HSD17B11: variants seen among roughly 807,000 people sequenced by gnomAD.
HSD17B11 encodes estradiol 17-beta-dehydrogenase 11.
Under a neutral mutation model 27.8 loss-of-function variants are expected in HSD17B11, and 22 were observed. The observed-to-expected ratio is 0.79, with a 90% CI of 0.56 to 1.13. The LOEUF is 1.13. HSD17B11 is among the 50% of genes most tolerant of loss of function. The pLI is 0.00. For synonymous variants in HSD17B11, 117 were observed against 132.8 expected, an observed-to-expected ratio of 0.88 and a Z score of 0.82; for missense variants, 314 against 351.1, an observed-to-expected ratio of 0.89 and a Z score of 0.84.
chr4:87,367,174 A>G (rs538951020), intron 4 of HSD17B11, among the ~76,000 whole-genome samples: 1 of 152,326 alleles, frequency 6.6e-6, no homozygotes. Context: ...ATGGGACACT[A>G]TTGGAGAAAT....
chr4:87,366,447 G>A (rs769310551), intron 4 of HSD17B11, among the ~76,000 whole-genome samples: 22 of 152,020 alleles, frequency 1.4e-4, no homozygotes, highest in East Asian at 9.6e-4. Context: ...GTGAAATTTC[G>A]CTTATTTGGT....
chr4:87,357,594 A>G (rs1735410902), intron 4 of HSD17B11, among the ~76,000 whole-genome samples, 178 bp from the exon 5 acceptor site: 2 of 152,252 alleles, frequency 1.3e-5, no homozygotes, highest in Admixed American at 1.3e-4. Flanking sequence ...CTGTAGGCAC[A>G]TTAAGGTCCA....
chr4:87,354,112 TGTTTGATA>T (rs984412497), intron 5 of HSD17B11, among the ~76,000 whole-genome samples: 4 of 152,176 alleles, frequency 2.6e-5, no homozygotes, highest in African/African-American at 9.6e-5. Context: ...TTTTAAAGAC[TGTTTGATA>T]GATTCTTGGG....
chr4:87,354,777 G>A (rs1029032121), intron 5 of HSD17B11, among the ~76,000 whole-genome samples: 1 of 151,760 alleles, frequency 6.6e-6, no homozygotes, highest in Non-Finnish European at 1.5e-5. Context: ...AGCTGAATTG[G>A]GGGAAATATG....
chr4:87,337,853 C>G (rs1290416378), intron 6 of HSD17B11, among the ~76,000 whole-genome samples: 1 of 152,196 alleles, frequency 6.6e-6, no homozygotes. Flanking sequence ...TTAAATTCCT[C>G]ACGTGTAAAT....
chr4:87,357,959 T>A (rs996091567), intron 4 of HSD17B11, among the ~76,000 whole-genome samples: 2 of 109,332 alleles, frequency 1.8e-5, no homozygotes, highest in Non-Finnish European at 3.5e-5. Context: ...ATTTTTTTTT[T>A]TTTTTTTTTT....
chr4:87,370,369 T>C lies in HSD17B11; in HGVS notation c.557+2340A>G, dbSNP rs1265557173. ...CAGATTTTATGCTAAGTGCAATACA[T>C]TGTATGATTTAAATCTTATAGCATT... On this transcript the variant is annotated intron_variant, in intron 4 of 6. Transcript: ENST00000358290. Among the ~76,000 whole-genome samples the C allele has an allele frequency of 2.6e-5, 4 of 152,300 alleles. No homozygotes were observed. In the South Asian group the frequency reaches 6.2e-4, roughly 24 times the overall value.
At chr4:87,356,248 A>G (rs923712716) in intron 5 of HSD17B11, among the ~76,000 whole-genome samples, 1 of 152,224 alleles carries the variant, frequency 6.6e-6, no homozygotes, top group Non-Finnish European at 1.5e-5. Flanking sequence ...CCTTTGGCCC[A>G]GTAATCCCCC....
At chr4:87,365,401 G>A (rs766082607) in intron 4 of HSD17B11, among the ~76,000 whole-genome samples, 21 of 152,148 alleles carry the variant, frequency 1.4e-4, no homozygotes, top group Non-Finnish European at 2.9e-4. Context: ...TAAAAATGTA[G>A]ACATTTGGTC....
chr4:87,366,515 C>G (rs1382474786), intron 4 of HSD17B11, among the ~76,000 whole-genome samples: 1 of 152,134 alleles, frequency 6.6e-6, no homozygotes, highest in Non-Finnish European at 1.5e-5. Flanking sequence ...TTTCTTTGGA[C>G]TATATTTGTA....
chr4:87,384,938 G>A (rs940789000), intron 1 of HSD17B11, among the ~76,000 whole-genome samples: 4 of 151,968 alleles, frequency 2.6e-5, no homozygotes, highest in Non-Finnish European at 5.9e-5. Flanking sequence ...GATACGTGAT[G>A]TCACCCCCAG....
At chr4:87,345,443 G>A (rs1189499372) in intron 5 of HSD17B11, among the ~76,000 whole-genome samples, 1 of 151,222 alleles carries the variant, frequency 6.6e-6, no homozygotes, top group African/African-American at 2.4e-5. Context: ...CCCAAAGCAA[G>A]CAGAAAAAAA....
chr4:87,388,712 T>C (rs1720380348), intron 1 of HSD17B11, among the ~76,000 whole-genome samples: 1 of 152,268 alleles, frequency 6.6e-6, no homozygotes, highest in Non-Finnish European at 1.5e-5. Flanking sequence ...CCCTAGCTCA[T>C]GAGGCTCATG....
At chr4:87,357,958 T>A (rs1735420768) in intron 4 of HSD17B11, among the ~76,000 whole-genome samples, 1 of 108,044 alleles carries the variant, frequency 9.3e-6, no homozygotes, top group African/African-American at 4.6e-5. Context: ...AATTTTTTTT[T>A]TTTTTTTTTT....
rs537930256 is a variant in HSD17B11 at position 87,359,868 on chromosome 4, A to C, written c.558-2452T>G. 9.1e-4 allele frequency among the ~76,000 whole-genome samples: 138 copies of C among 152,344 alleles called. 2 individuals carry two copies. In the South Asian group the frequency reaches 0.027, roughly 30 times the overall value. On this transcript the variant is annotated intron_variant, in intron 4 of 6. Coordinates refer to ENST00000358290, the MANE Select transcript of HSD17B11 (RefSeq NM_016245.5). ...ATTCTAAACTTTATTAACTCCAAGCAAATTAAGAGGCAAGTGACAAACTGG... is the reference window on the plus strand; with the variant it reads ...ATTCTAAACTTTATTAACTCCAAGCCAATTAAGAGGCAAGTGACAAACTGG...
At chr4:87,374,565 T>G (rs529616460) in intron 3 of HSD17B11, 134 bp downstream of exon 3, 2 of 716,890 alleles carry the variant, frequency 2.8e-6, no homozygotes, top group African/African-American at 3.7e-5. Flanking sequence ...AAATGATCTC[T>G]TTGTATAATG....
intron 5 of HSD17B11, among the ~76,000 whole-genome samples, chr4:87,345,826 G>A (rs907686320): frequency 6.6e-6 from 1 of 152,066 alleles, no homozygotes; most frequent in South Asian, 2.1e-4. Flanking sequence ...CAGGAAAGAG[G>A]AGCCCAGGAC....
chr4:87,342,556 A>G (rs1444670989), intron 5 of HSD17B11, among the ~76,000 whole-genome samples: 4 of 152,154 alleles, frequency 2.6e-5, no homozygotes, highest in South Asian at 2.1e-4. Context: ...AACAAAAACA[A>G]AAACAAAACT....
chr4:87,367,709 A>T (rs1366348256), intron 4 of HSD17B11, among the ~76,000 whole-genome samples: 1 of 152,200 alleles, frequency 6.6e-6, no homozygotes, highest in Non-Finnish European at 1.5e-5. Flanking sequence ...TCTGCAATTT[A>T]GGCTAACCCT....
Sources: allele counts gnomAD v4.1 joint callset (sites outside exome capture counted in the v4.1 genomes callset), GRCh38; gene constraint gnomAD v4.1.1; transcripts MANE v1.5; gene names NCBI Gene and HGNC (gene_info 2026-07-23, HGNC 2026-07-21).